PKIG: variants seen among roughly 807,000 people sequenced by gnomAD.
The protein encoded by PKIG is protein kinase (cAMP-dependent, catalytic) inhibitor gamma.
A neutral mutation model predicts 6.8 loss-of-function variants in PKIG; 1 was observed. The observed-to-expected ratio is 0.15, with a 90% confidence interval of 0.05 to 0.69. The LOEUF is 0.69. Ranked by LOEUF, PKIG falls within the 30% of genes least tolerant of loss-of-function variation. PKIG has a pLI of 0.82. For missense variants in PKIG, 77 were observed against 104.0 expected (o/e 0.74, Z 1.13); for synonymous variants, 39 against 43.0 (o/e 0.91, Z 0.36).
intron 1 of PKIG, among the ~76,000 whole-genome samples, chr20:44,583,849 A>G (rs2064967820): frequency 6.6e-6 from 1 of 152,208 alleles, no homozygotes; most frequent in African/African-American, 2.4e-5. Context: ...TCAGTTTCCC[A>G]GAGTAGCTAA....
chr20:44,606,276 A>G (rs2065162877), intron 2 of PKIG, among the ~76,000 whole-genome samples: 2 of 152,258 alleles, frequency 1.3e-5, no homozygotes, highest in South Asian at 4.1e-4. Context: ...TCCTAGGAGC[A>G]GTAGGAACTA....
At chr20:44,617,509 A>G (rs1387604444) in intron 3 of PKIG, among the ~76,000 whole-genome samples, 1 of 152,058 alleles carries the variant, frequency 6.6e-6, no homozygotes, top group Non-Finnish European at 1.5e-5. Flanking sequence ...CACCTTGCAC[A>G]GGGGGGCTCA....
intron 1 of PKIG, among the ~76,000 whole-genome samples, chr20:44,570,449 GA>G (rs1283488761): frequency 6.6e-6 from 1 of 152,188 alleles, no homozygotes; most frequent in Non-Finnish European, 1.5e-5. Context: ...CATCCTGAGG[GA>G]GGTAGTTTAG....
chr20:44,547,294 A>G (rs1397039370), intron 1 of PKIG, among the ~76,000 whole-genome samples: 4 of 152,252 alleles, frequency 2.6e-5, no homozygotes, highest in African/African-American at 9.6e-5. Flanking sequence ...AATATAAGCA[A>G]AAGTAGAGAG....
chr20:44,539,579 C>A (rs564209356), intron 1 of PKIG, among the ~76,000 whole-genome samples: 3 of 151,622 alleles, frequency 2.0e-5, no homozygotes, highest in Non-Finnish European at 2.9e-5. Flanking sequence ...CCACCACGCC[C>A]GGCTGATTTT....
rs76769515 is a variant in PKIG at position 44,569,154 on chromosome 20, A to G, written c.-240-13431A>G. On this transcript the variant is annotated intron_variant, in intron 1 of 4. Coordinates refer to the PKIG transcript ENST00000372887. Reference sequence around the variant, plus strand: ...TCAAATTGCCCTTTAGGAATGTTGTACCGTTTTCCATTTTCACCTACATTT... The same window carrying G: ...TCAAATTGCCCTTTAGGAATGTTGTGCCGTTTTCCATTTTCACCTACATTT... Among the ~76,000 whole-genome samples the G allele has an allele frequency of 1.3e-3, 205 of 152,328 alleles. 4 individuals carry two copies. The East Asian group carries it at 0.021, about 16-fold the overall frequency.
At chr20:44,592,617 A>G (rs1430752205) in intron 2 of PKIG, among the ~76,000 whole-genome samples, 1 of 152,196 alleles carries the variant, frequency 6.6e-6, no homozygotes, top group Non-Finnish European at 1.5e-5. Context: ...CCAGGGAAGC[A>G]CATAGTTACT....
intron 2 of PKIG, among the ~76,000 whole-genome samples, chr20:44,612,733 C>T (rs1213864584): frequency 6.6e-6 from 1 of 152,112 alleles, no homozygotes; most frequent in East Asian, 1.9e-4. Context: ...TTTGGGAAGG[C>T]AACTGGGAAA....
intron 1 of PKIG, among the ~76,000 whole-genome samples, chr20:44,541,245 T>C (rs2064559221): frequency 6.6e-6 from 1 of 152,226 alleles, no homozygotes; most frequent in East Asian, 1.9e-4. Flanking sequence ...TTTAAGTGAT[T>C]CTCCATCAGC....
At chr20:44,569,814 T>C (rs897129483) in intron 1 of PKIG, among the ~76,000 whole-genome samples, 1 of 152,152 alleles carries the variant, frequency 6.6e-6, no homozygotes, top group South Asian at 2.1e-4. Context: ...TACAATTTGG[T>C]GTATTGTATA....
intron 1 of PKIG, among the ~76,000 whole-genome samples, chr20:44,550,989 A>C (rs2064662765): frequency 6.6e-6 from 1 of 152,180 alleles, no homozygotes. Context: ...TGTGTATTTC[A>C]ATTTTTTGCT....
intron 2 of PKIG, among the ~76,000 whole-genome samples, chr20:44,600,798 G>T (rs1053137669): frequency 6.6e-6 from 1 of 152,104 alleles, no homozygotes; most frequent in Non-Finnish European, 1.5e-5. Context: ...TGGGCAGATG[G>T]TGGTGCCCTT....
chr20:44,543,097 C>T (rs1206557675), intron 1 of PKIG, among the ~76,000 whole-genome samples: 1 of 152,120 alleles, frequency 6.6e-6, no homozygotes, highest in Non-Finnish European at 1.5e-5. Context: ...ACATCTTGGC[C>T]CAGGCACTTT....
At chr20:44,570,258 C>T (rs978314170) in intron 1 of PKIG, among the ~76,000 whole-genome samples, 1 of 152,186 alleles carries the variant, frequency 6.6e-6, no homozygotes, top group African/African-American at 2.4e-5. Context: ...AAACTTGAAC[C>T]TTATGGCTAA....
chr20:44,588,243 C>G (rs1216977809), intron 1 of PKIG, among the ~76,000 whole-genome samples: 1 of 152,206 alleles, frequency 6.6e-6, no homozygotes, highest in Non-Finnish European at 1.5e-5. Flanking sequence ...TGGCCTTTAC[C>G]TGCATGAAGT....
Position 44,601,548 on chromosome 20 carries a change from A to G in PKIG, c.-24+11682A>G, listed in dbSNP as rs1335297341. ...CAGTGCCTCTCTTTTCTGGCTTTCT[A>G]TCACAGAGAGAAGCCGCTACCCTTG... On this transcript the variant is annotated intron_variant, in intron 2 of 3. Transcript: ENST00000372886. 2.0e-5 allele frequency among the ~76,000 whole-genome samples: 3 copies of G among 152,286 alleles called. No homozygotes were observed. The East Asian group carries it at 5.8e-4, about 29-fold the overall frequency.
At chr20:44,554,771 A>G (rs2064698993) in intron 1 of PKIG, among the ~76,000 whole-genome samples, 1 of 152,210 alleles carries the variant, frequency 6.6e-6, no homozygotes, top group Non-Finnish European at 1.5e-5. Flanking sequence ...TGTTTTTTCA[A>G]AGATTTTCTG....
upstream of PKIG, chr20:44,582,508 G>A (rs2064957014): frequency 6.6e-6 from 1 of 152,356 alleles, no homozygotes; most frequent in Non-Finnish European, 1.5e-5. Context: ...CTGAGCATTG[G>A]ATTACAACAA....
chr20:44,559,337 A>G lies in PKIG; in HGVS notation c.-240-23248A>G, dbSNP rs572075051. Among the ~76,000 whole-genome samples, 32 of 152,358 alleles carry G rather than the reference A, an allele frequency of 2.1e-4. No individual in the cohort carries two copies. The South Asian group carries it at 2.9e-3, about 14-fold the overall frequency. The stretch of plus-strand genomic sequence containing the variant: ...ATATTATACAAACTATTCTACTGCT[A>G]TTGTTCACATAGATACATTTTATTC... On this transcript the variant is annotated intron_variant, in intron 1 of 4. Transcript: ENST00000372887.
Sources: gnomAD v4.1 joint callset for allele counts (sites outside exome capture counted in the v4.1 genomes callset) on GRCh38, gnomAD v4.1.1 for gene constraint, MANE v1.5 for transcripts, NCBI Gene and HGNC (gene_info 2026-07-23, HGNC 2026-07-21) for gene names.